The following CACNA1A variants were observed in gnomAD, a reference collection of about 807,000 sequenced individuals.
CACNA1A encodes voltage-dependent P/Q-type calcium channel subunit alpha-1A.
CACNA1A carries 57 observed loss-of-function variants against 262.4 expected under a neutral mutation model. The ratio of observed to expected loss-of-function variants is 0.22; its 90% CI spans 0.18 to 0.27. The LOEUF (loss-of-function observed/expected upper bound fraction) is 0.27. Ranked by LOEUF, CACNA1A falls within the 10% of genes least tolerant of loss-of-function variation. The pLI is 1.00. For synonymous variants in CACNA1A, 1,431 were observed against 1,419.3 expected (o/e 1.01, Z -0.18); for missense variants, 2,526 against 3,562.8 (o/e 0.71, Z 7.41).
At chr19:13,413,900 AAAGAAAG>A (rs2060170841) in intron 3 of CACNA1A, among the ~76,000 whole-genome samples, 1 of 51,400 alleles carries the variant, frequency 1.9e-5, no homozygotes, top group East Asian at 5.3e-4. Flanking sequence ...AAAGAAAAAG[AAAGAAAG>A]AAAGAAAGAA....
At chr19:13,454,086 G>A (rs2060962648) in intron 2 of CACNA1A, among the ~76,000 whole-genome samples, 1 of 151,694 alleles carries the variant, frequency 6.6e-6, no homozygotes, top group Admixed American at 6.6e-5. Context: ...GCAGCTTCTA[G>A]GTAGCTTCAG....
intron 1 of CACNA1A, among the ~76,000 whole-genome samples, chr19:13,469,192 C>A (rs1345512283): frequency 6.6e-6 from 1 of 152,166 alleles, no homozygotes; most frequent in Non-Finnish European, 1.5e-5. Flanking sequence ...AGAGGTAGCA[C>A]CAGCAGCCAA....
intron 6 of CACNA1A, among the ~76,000 whole-genome samples, chr19:13,347,128 G>A (rs1210684361): frequency 7.0e-6 from 1 of 143,196 alleles, no homozygotes; most frequent in East Asian, 2.1e-4. Flanking sequence ...TGGCATGATC[G>A]GCTCACTGCA....
At chr19:13,260,000 C>T in intron 26 of CACNA1A, 1 of 285,638 alleles carries the variant, frequency 3.5e-6, no homozygotes, top group Non-Finnish European at 6.8e-6. Flanking sequence ...GGGTGAGAGC[C>T]TCAGGCTTGC....
At chr19:13,222,644 C>T (rs1251492358) in intron 38 of CACNA1A, among the ~76,000 whole-genome samples, 1 of 151,646 alleles carries the variant, frequency 6.6e-6, no homozygotes, top group African/African-American at 2.4e-5. Context: ...ATCTGCCCGC[C>T]TCGGCCTCCC....
At chr19:13,478,884 T>C (rs1312388949) in intron 1 of CACNA1A, among the ~76,000 whole-genome samples, 2 of 152,102 alleles carry the variant, frequency 1.3e-5, no homozygotes, top group African/African-American at 4.8e-5. Flanking sequence ...CATTGGTGGG[T>C]AAAACCAAAA....
chr19:13,356,382 C>T lies in CACNA1A; in HGVS notation c.978+3224G>A, dbSNP rs191938632. 1.7e-3 allele frequency among the ~76,000 whole-genome samples: 265 copies of T among 152,260 alleles called. 2 individuals are homozygous for T. Among genetic ancestry groups the T allele is most frequent in the Admixed American group, 4.7e-3 (72 of 15,286 alleles). On this transcript the variant is annotated intron_variant, in intron 6 of 46. Transcript: ENST00000360228. ...GGCACAGAGAGGCCAAGCACCTTGC[C>T]GAAGGCTGCACAGCAAGGAAGTGGA...
Position 13,506,221 on chromosome 19 carries a change from C to T in CACNA1A, c.4G>A (p.Ala2Thr). 1 of 1,480,322 alleles carries T rather than the reference C, an allele frequency of 6.8e-7. No individual in the cohort carries two copies. The highest frequency in any genetic ancestry group is 8.9e-7 in the Non-Finnish European group (1 of 1,123,444). 91.7% of individuals were successfully genotyped at this position (1,480,322 alleles called of 1,614,324 possible). A position where few individuals can be genotyped will look rare whatever the true frequency, so the allele number is the denominator to read the frequency against. Residue 2 changes from alanine (A) to threonine (T), a missense_variant, in exon 1 of 47, where the codon GCC becomes ACC. Ala to Thr is a moderately conservative substitution (Grantham distance 58). This residue lies in a region of CACNA1A where 65 missense variants were observed against 75.6 expected (regional missense o/e 0.86). Transcript: ENST00000360228. ...GCCGGCATCTCGTCTCCGAAGCGGG[C>T]CATTCTGCAAAGAGCAAAGGGCTCC... M[A>T]RFGDEMPARY... is the part of the protein sequence containing the mutation.
chr19:13,505,245 T>C (rs921801603), intron 1 of CACNA1A, among the ~76,000 whole-genome samples: 5 of 152,084 alleles, frequency 3.3e-5, no homozygotes, highest in African/African-American at 1.2e-4. Context: ...CAATGGGACC[T>C]GCACACATGA....
intron 1 of CACNA1A, among the ~76,000 whole-genome samples, chr19:13,499,443 G>C (rs1287773280): frequency 6.7e-5 from 8 of 118,858 alleles, no homozygotes; most frequent in African/African-American, 2.4e-4. Context: ...CCAGTCGCAG[G>C]GGGTGGTGGG....
chr19:13,262,647 T>C (rs879027318), intron 25 of CACNA1A, 87 bp downstream of exon 25: 2 of 772,520 alleles, frequency 2.6e-6, no homozygotes, highest in Middle Eastern at 3.0e-4. Flanking sequence ...TTTAATGTGT[T>C]GTCCTTGAGC....
At chr19:13,369,157 C>T (rs554861276) in intron 4 of CACNA1A, among the ~76,000 whole-genome samples, 113 of 152,106 alleles carry the variant, frequency 7.4e-4, no homozygotes, top group Non-Finnish European at 1.5e-3. Flanking sequence ...TTCTGGTGTA[C>T]CCGCCCTCCA....
intron 3 of CACNA1A, among the ~76,000 whole-genome samples, chr19:13,397,772 C>A (rs2144680012): frequency 6.6e-6 from 1 of 152,318 alleles, no homozygotes; most frequent in Admixed American, 6.5e-5. Flanking sequence ...AGATGGAAGT[C>A]ATATGGACTA....
At chr19:13,502,659 A>T (rs923487141) in intron 1 of CACNA1A, among the ~76,000 whole-genome samples, 1 of 152,232 alleles carries the variant, frequency 6.6e-6, no homozygotes, top group Non-Finnish European at 1.5e-5. Flanking sequence ...AAATTTGAAC[A>T]TCAAAGACTT....
intron 3 of CACNA1A, among the ~76,000 whole-genome samples, chr19:13,426,507 G>C (rs1472190436): frequency 2.0e-5 from 3 of 152,066 alleles, no homozygotes; most frequent in Non-Finnish European, 4.4e-5. Flanking sequence ...GAATTACCTA[G>C]CCCAAAATGT....
chr19:13,333,133 G>A (rs148347958), intron 8 of CACNA1A, among the ~76,000 whole-genome samples: 287 of 152,052 alleles, frequency 1.9e-3, no homozygotes, highest in African/African-American at 6.6e-3. Context: ...CCCACCTCGC[G>A]CAAAATAAAA....
chr19:13,449,522 G>A (rs1388241526), intron 3 of CACNA1A, among the ~76,000 whole-genome samples: 2 of 152,072 alleles, frequency 1.3e-5, no homozygotes, highest in African/African-American at 2.4e-5. Context: ...CATTGGCCAG[G>A]CTGGTCTCAA....
At chr19:13,331,958 G>A (rs1255498718) in intron 9 of CACNA1A, among the ~76,000 whole-genome samples, 3 of 152,118 alleles carry the variant, frequency 2.0e-5, no homozygotes, top group East Asian at 1.9e-4. Context: ...CAGACAGACC[G>A]CATCCAACCC....
chr19:13,425,053 C>T (rs1267450140), intron 3 of CACNA1A, among the ~76,000 whole-genome samples: 1 of 152,172 alleles, frequency 6.6e-6, no homozygotes, highest in African/African-American at 2.4e-5. Context: ...ATCCGCCCAC[C>T]TTAGCCTCCC....
Sources: allele counts gnomAD v4.1 joint callset (sites outside exome capture counted in the v4.1 genomes callset), GRCh38; gene constraint gnomAD v4.1.1; regional missense constraint gnomAD v4.1.1; transcripts MANE v1.5; gene names NCBI Gene and HGNC (gene_info 2026-07-23, HGNC 2026-07-21).